Variants in MRTFA observed in about 807,000 individuals in gnomAD.
MRTFA encodes myocardin-related transcription factor A.
A neutral mutation model predicts 83.5 loss-of-function variants in MRTFA; 20 were observed. The observed-to-expected ratio is 0.24, with a 90% CI of 0.17 to 0.35. The LOEUF (loss-of-function observed/expected upper bound fraction) is 0.35, where lower values mean the gene tolerates loss of function less well. Ranked by LOEUF, MRTFA falls within the 10% of genes least tolerant of loss-of-function variation. The pLI is 1.00. For missense variants in MRTFA, 1,200 were observed against 1,224.7 expected, an observed-to-expected ratio of 0.98 and a Z score of 0.30; for synonymous variants, 659 against 541.2, an observed-to-expected ratio of 1.22 and a Z score of -3.02.
intron 3 of MRTFA, among the ~76,000 whole-genome samples, chr22:40,517,134 G>C (rs1010028663): frequency 2.6e-5 from 4 of 152,152 alleles, no homozygotes; most frequent in African/African-American, 9.7e-5. Context: ...TGTTGCCCAG[G>C]CTGTTCTAGA....
At chr22:40,594,887 T>TAAAAAAAAAAAAAAAAAAAAAAAAAAAA (rs776075354) in intron 1 of MRTFA, among the ~76,000 whole-genome samples, 152 bp from the exon 2 acceptor site, 1 of 105,008 alleles carries the variant, frequency 9.5e-6, no homozygotes. Context: ...TGTCACTGGT[T>TAAAAAAAAAAAAAAAAAAAAAAAAAAAA]AAAAAAAAAA....
At chr22:40,503,780 G>A (rs1040451027) in intron 3 of MRTFA, among the ~76,000 whole-genome samples, 1 of 152,162 alleles carries the variant, frequency 6.6e-6, no homozygotes, top group African/African-American at 2.4e-5. Flanking sequence ...TACTTAGCCA[G>A]GCATGGTGGC....
chr22:40,603,172 T>C (rs1175613238), intron 1 of MRTFA, among the ~76,000 whole-genome samples: 1 of 152,210 alleles, frequency 6.6e-6, no homozygotes, highest in Non-Finnish European at 1.5e-5. Context: ...TCTACCTCCC[T>C]AGGCTTAGAG....
At chr22:40,467,247 C>T (rs1028583118) in intron 3 of MRTFA, among the ~76,000 whole-genome samples, 16 of 152,048 alleles carry the variant, frequency 1.1e-4, no homozygotes, top group African/African-American at 3.9e-4. Context: ...CACTGCATAA[C>T]CTTCAATGGT....
chr22:40,605,786 G>T (rs2056313006), intron 1 of MRTFA, among the ~76,000 whole-genome samples: 1 of 152,154 alleles, frequency 6.6e-6, no homozygotes, highest in Non-Finnish European at 1.5e-5. Context: ...TACAGTTTGG[G>T]TTGGGATTGT....
chr22:40,624,425 CAA>C (rs35882157), intron 1 of MRTFA, among the ~76,000 whole-genome samples: 61 of 62,706 alleles, frequency 9.7e-4, no homozygotes, highest in South Asian at 4.7e-3. Context: ...GACTCCAACT[CAA>C]AAAAAAAAAA....
chr22:40,518,594 T>C (rs555587533), intron 3 of MRTFA, among the ~76,000 whole-genome samples: 15 of 151,408 alleles, frequency 9.9e-5, no homozygotes, highest in African/African-American at 1.7e-4. Context: ...AAGATCGAGA[T>C]CATCCTGGCT....
At chr22:40,622,459 T>A (rs1420914675) in intron 1 of MRTFA, among the ~76,000 whole-genome samples, 1 of 144,086 alleles carries the variant, frequency 6.9e-6, no homozygotes, top group Non-Finnish European at 1.5e-5. Flanking sequence ...CCAGCCTGGG[T>A]GACAGAGCGA....
intron 3 of MRTFA, among the ~76,000 whole-genome samples, chr22:40,540,492 G>A (rs979559058): frequency 2.0e-5 from 3 of 152,022 alleles, no homozygotes; most frequent in African/African-American, 2.4e-5. Flanking sequence ...TCTTTACCAC[G>A]TGGCTTAATT....
chr22:40,601,842 T>C (rs73887841), intron 1 of MRTFA, among the ~76,000 whole-genome samples: 1,691 of 152,264 alleles, frequency 0.011, 30 homozygotes, highest in African/African-American at 0.039. Context: ...AGATCAAGAC[T>C]GAAATCCCTT....
chr22:40,459,824 T>TATATAC (rs377265202), intron 4 of MRTFA, among the ~76,000 whole-genome samples: 778 of 56,368 alleles, frequency 0.014, 8 homozygotes, highest in Admixed American at 0.02. Flanking sequence ...CACACACACA[T>TATATAC]ATATACATAT....
rs201694198 is a variant in MRTFA at position 40,538,985 on chromosome 22, C to CTTTTTTTTTTTTTTTT, written c.241+13120_241+13121insAAAAAAAAAAAAAAAA. Reference sequence around the variant, plus strand: ...GACATTATACTGCAGGATACACAGCCTTTTGTTTTTTTTTTTTTTTTTTTT... The same window carrying CTTTTTTTTTTTTTTTT: ...GACATTATACTGCAGGATACACAGCCTTTTTTTTTTTTTTTTTTTTGTTTTTTTTTTTTTTTTTTTT... On this transcript the variant is annotated intron_variant, in intron 3 of 14. Transcript: ENST00000355630. 3.7e-5 allele frequency among the ~76,000 whole-genome samples: 4 copies of CTTTTTTTTTTTTTTTT among 106,888 alleles called. 2 individuals are homozygous for CTTTTTTTTTTTTTTTT. 70.1% of individuals were successfully genotyped at this position (106,888 alleles called of 152,430 possible).
intron 13 of MRTFA, 66 bp from the exon 14 acceptor site, chr22:40,417,112 C>T (rs192574007): frequency 2.3e-4 from 342 of 1,503,708 alleles, no homozygotes; most frequent in Admixed American, 3.8e-4. Flanking sequence ...GCCCGAACTA[C>T]GAATGAGGCC....
intron 3 of MRTFA, among the ~76,000 whole-genome samples, chr22:40,519,111 A>G (rs1429394035): frequency 6.6e-6 from 1 of 151,486 alleles, no homozygotes; most frequent in Non-Finnish European, 1.5e-5. Context: ...TCCCGGTCTC[A>G]AGGGATGCTC....
chr22:40,418,652 G>A lies in MRTFA; in HGVS notation c.2086C>T (p.Pro696Ser). The A allele has an allele frequency of 6.5e-7, 1 of 1,529,652 alleles. No individual in the cohort carries two copies. The allele number at this position is 1,529,652 out of a possible 1,614,324, so 94.8% of individuals were successfully genotyped here. Residue 696 changes from proline (P) to serine (S), a missense_variant, in exon 12 of 15, where the codon CCA becomes TCA. Transcript: ENST00000355630. ...GGGGCCGCCAGGCTGGGGTTGAATG[G>A]GTGAGCGGGGCCCAGGGGCTGCTGG... is the stretch of plus-strand genomic sequence containing the variant.
chr22:40,622,970 A>G (rs2056541074), intron 1 of MRTFA, among the ~76,000 whole-genome samples: 1 of 152,226 alleles, frequency 6.6e-6, no homozygotes. Flanking sequence ...ACTGGATTCT[A>G]TAAAGTGAGA....
intron 2 of MRTFA, among the ~76,000 whole-genome samples, chr22:40,575,098 T>C (rs944398171): frequency 6.6e-6 from 1 of 152,242 alleles, no homozygotes; most frequent in Non-Finnish European, 1.5e-5. Context: ...ATTTAGGTGA[T>C]GAGAGCTTAA....
At chr22:40,535,410 T>A (rs1393844007) in intron 3 of MRTFA, among the ~76,000 whole-genome samples, 1 of 129,422 alleles carries the variant, frequency 7.7e-6, no homozygotes, top group Non-Finnish European at 1.6e-5. Context: ...CTGAGTACAA[T>A]GGCATGATCT....
chr22:40,574,174 A>G (rs966696706), intron 2 of MRTFA, among the ~76,000 whole-genome samples: 1 of 152,204 alleles, frequency 6.6e-6, no homozygotes, highest in Admixed American at 6.5e-5. Flanking sequence ...CTAAGGTGCC[A>G]GCAGTCTTAT....
Sources: gnomAD v4.1 joint callset for allele counts (sites outside exome capture counted in the v4.1 genomes callset) on GRCh38, gnomAD v4.1.1 for gene constraint, MANE v1.5 for transcripts, NCBI Gene and HGNC (gene_info 2026-07-23, HGNC 2026-07-21) for gene names.